CTCF: variants seen among roughly 807,000 people sequenced by gnomAD.
The protein encoded by CTCF is transcriptional repressor CTCF.
Under a neutral mutation model 72.3 loss-of-function variants are expected in CTCF, and 7 were observed. The observed-to-expected ratio is 0.10, with a 90% CI of 0.06 to 0.18. CTCF has a LOEUF of 0.18. Ranked by LOEUF, CTCF falls within the 10% of genes least tolerant of loss-of-function variation. The probability of loss-of-function intolerance (pLI) is 1.00; values close to 1 mark genes in which losing one functional copy is unlikely to be tolerated. For missense variants in CTCF, 516 were observed against 949.1 expected, an observed-to-expected ratio of 0.54 and a Z score of 6.00; for synonymous variants, 374 against 315.8, an observed-to-expected ratio of 1.18 and a Z score of -1.95.
At chr16:67,611,668 AAC>A in intron 3 of CTCF, 55 bp downstream of exon 3, 1 of 1,478,542 alleles carries the variant, frequency 6.8e-7, no homozygotes, top group East Asian at 2.3e-5. Context: ...ATAAGCATAC[AAC>A]ACAGTGCATA....
chr16:67,566,295 G>A (rs1345140192), intron 1 of CTCF, among the ~76,000 whole-genome samples: 2 of 151,896 alleles, frequency 1.3e-5, no homozygotes, highest in African/African-American at 4.8e-5. Flanking sequence ...CCTGAGGTCA[G>A]GAGTTTGAGA....
intron 2 of CTCF, among the ~76,000 whole-genome samples, chr16:67,583,913 C>T (rs1440030392): frequency 6.6e-6 from 1 of 152,108 alleles, no homozygotes; most frequent in Non-Finnish European, 1.5e-5. Flanking sequence ...GTAAATGCTG[C>T]TCAGTAGAGT....
chr16:67,579,484 G>A (rs1003716617), intron 2 of CTCF, among the ~76,000 whole-genome samples: 8 of 151,532 alleles, frequency 5.3e-5, no homozygotes, highest in African/African-American at 1.9e-4. Flanking sequence ...TCAGCCTCCC[G>A]AGTAGCTGGG....
intron 2 of CTCF, among the ~76,000 whole-genome samples, chr16:67,581,635 A>G (rs557351310): frequency 6.6e-6 from 1 of 151,994 alleles, no homozygotes; most frequent in South Asian, 2.1e-4. Context: ...TCCGGAGTAG[A>G]TGGGATTACA....
intron 2 of CTCF, among the ~76,000 whole-genome samples, chr16:67,606,963 A>G (rs547524503): frequency 6.6e-6 from 1 of 151,416 alleles, no homozygotes; most frequent in Non-Finnish European, 1.5e-5. Flanking sequence ...AATTATTATT[A>G]TTTTTTTGAG....
chr16:67,626,755 G>T, intron 8 of CTCF, 40 bp downstream of exon 8: 1 of 1,363,976 alleles, frequency 7.3e-7, no homozygotes. Flanking sequence ...CTTTCTCGGT[G>T]TCTGGTGTTA....
At chr16:67,608,464 C>T (rs1194278170) in intron 2 of CTCF, among the ~76,000 whole-genome samples, 3 of 152,146 alleles carry the variant, frequency 2.0e-5, no homozygotes, top group East Asian at 3.9e-4. Context: ...TCTACAAACA[C>T]GGCCATTGCA....
chr16:67,591,823 G>T (rs779148420), intron 2 of CTCF, among the ~76,000 whole-genome samples: 1 of 151,876 alleles, frequency 6.6e-6, no homozygotes, highest in Non-Finnish European at 1.5e-5. Context: ...CGATCCTCCC[G>T]CCTCAGTCCC....
chr16:67,578,030 G>A (rs2051524232), intron 2 of CTCF, among the ~76,000 whole-genome samples: 2 of 152,128 alleles, frequency 1.3e-5, no homozygotes, highest in South Asian at 2.1e-4. Flanking sequence ...CAGAGCTGAA[G>A]ACTATTAATA....
At chr16:67,579,215 T>A (rs1050214661) in intron 2 of CTCF, among the ~76,000 whole-genome samples, 7 of 152,062 alleles carry the variant, frequency 4.6e-5, no homozygotes, top group African/African-American at 1.7e-4. Flanking sequence ...AGATCGCCAT[T>A]GCACTCCAGC....
intron 1 of CTCF, among the ~76,000 whole-genome samples, chr16:67,562,946 A>G (rs2051296602): frequency 2.6e-5 from 1 of 38,308 alleles, no homozygotes; most frequent in Non-Finnish European, 5.1e-5. Context: ...CCCGCCCGCT[A>G]GGCCTCCCTC....
intron 2 of CTCF, among the ~76,000 whole-genome samples, chr16:67,575,989 TAAAAAAAA>T (rs35681914): frequency 8.8e-6 from 1 of 114,124 alleles, no homozygotes; most frequent in Admixed American, 9.4e-5. Context: ...ACCTTGTCTG[TAAAAAAAA>T]AAAAAAAAAA....
chr16:67,570,480 G>T (rs190123782), intron 1 of CTCF, among the ~76,000 whole-genome samples: 2 of 150,916 alleles, frequency 1.3e-5, no homozygotes, highest in Non-Finnish European at 2.9e-5. Context: ...ACGGAGTCTC[G>T]CTCTGTCGCC....
At chr16:67,618,042 A>T (rs1257747635) in intron 5 of CTCF, among the ~76,000 whole-genome samples, 1 of 152,226 alleles carries the variant, frequency 6.6e-6, no homozygotes, top group East Asian at 1.9e-4. Context: ...GATGGGAGCT[A>T]AAATTCAGTA....
chr16:67,604,730 G>GTTTTGTTTTTTTTTT (rs2051946575), intron 2 of CTCF, among the ~76,000 whole-genome samples: 1 of 123,750 alleles, frequency 8.1e-6, no homozygotes, highest in African/African-American at 3.4e-5. Context: ...TTTCACCAGG[G>GTTTTGTTTTTTTTTT]TTTTTTTTTT....
rs112854284 is a variant in CTCF, at chr16:67,598,314, C to T, written c.-9-12510C>T. Among the ~76,000 whole-genome samples the T allele has an allele frequency of 1.1e-4, 17 of 152,254 alleles. 1 individual carries two copies. The highest frequency in any genetic ancestry group is 4.1e-4 in the African/African-American group (17 of 41,552). On this transcript the variant is annotated intron_variant, in intron 2 of 11. Transcript: ENST00000264010. ...TTATAATCTTCAAATAGACCCTGCA[C>T]ATTTTCAGTTCACGTTATTCTTTTT...
chr16:67,588,049 G>A lies in CTCF; in HGVS notation c.-10+16785G>A, dbSNP rs1234689560. On this transcript the variant is annotated intron_variant, in intron 2 of 11. Coordinates refer to ENST00000264010, the MANE Select transcript of CTCF (RefSeq NM_006565.4). Reference sequence around the variant, plus strand: ...ATTTTTGCATTTTCAGTAGAGACGGGGTTTCACCATGTTGGACAGGCTGGT... The same window carrying A: ...ATTTTTGCATTTTCAGTAGAGACGGAGTTTCACCATGTTGGACAGGCTGGT... Among the ~76,000 whole-genome samples the A allele has an allele frequency of 2.0e-5, 3 of 152,000 alleles. No individual in the cohort carries two copies. The South Asian group carries it at 6.2e-4, about 31-fold the overall frequency.
chr16:67,622,141 G>A (rs2052208403), intron 7 of CTCF, among the ~76,000 whole-genome samples: 1 of 152,096 alleles, frequency 6.6e-6, no homozygotes, highest in Non-Finnish European at 1.5e-5. Flanking sequence ...TGGATCACGA[G>A]GTCAGGCGAT....
At chr16:67,634,605 C>T (rs748489578) in intron 10 of CTCF, among the ~76,000 whole-genome samples, 29 of 150,050 alleles carry the variant, frequency 1.9e-4, no homozygotes, top group South Asian at 1.3e-3. Flanking sequence ...GCAGCCTCTA[C>T]CTCCCTGGCT....
Sources: gnomAD v4.1 joint callset for allele counts (sites outside exome capture counted in the v4.1 genomes callset) on GRCh38, gnomAD v4.1.1 for gene constraint, MANE v1.5 for transcripts, NCBI Gene and HGNC (gene_info 2026-07-23, HGNC 2026-07-21) for gene names.